The following MAPKAPK5 variants were observed in gnomAD, a reference collection of about 807,000 sequenced individuals.
MAPKAPK5 encodes MAPK activated protein kinase 5.
A neutral mutation model predicts 65.1 loss-of-function variants in MAPKAPK5; 30 were observed. The observed-to-expected ratio is 0.46, with a 90% CI of 0.34 to 0.63. MAPKAPK5 has a LOEUF of 0.63. Among genes scored for constraint, MAPKAPK5 ranks in the 20% least tolerant of loss-of-function variants. The pLI, the probability that MAPKAPK5 is intolerant of heterozygous loss-of-function variation, is 0.01. For synonymous variants in MAPKAPK5, 179 were observed against 204.6 expected, an observed-to-expected ratio of 0.87 and a Z score of 1.07; for missense variants, 433 against 581.4, an observed-to-expected ratio of 0.74 and a Z score of 2.63.
rs543037227 is a variant in MAPKAPK5 at position 111,867,780 on chromosome 12, C to T, written c.284+111C>T. The T allele has an allele frequency of 1.6e-4, 125 of 772,462 alleles. No individual in the cohort carries two copies. In the South Asian group the frequency reaches 2.0e-3, roughly 12 times the overall value. The allele number at this position is 772,462 out of a possible 1,614,324, so 47.9% of individuals were successfully genotyped here. ...CTTCCCTCTCCTTCTTCCTCCTACC[C>T]TCGCTTCCTCTGCCCTTCCTTCTCC... On this transcript the variant is annotated intron_variant, in intron 4 of 13. Transcript: ENST00000550735.
Position 111,890,084 on chromosome 12 carries a change from TG to T in MAPKAPK5, c.1263del (p.Trp421Ter). On this transcript the variant is annotated frameshift_variant, in exon 13 of 14. Coordinates refer to ENST00000550735, the MANE Select transcript of MAPKAPK5 (RefSeq NM_003668.4). LOFTEE classifies it high-confidence loss of function. Reference protein sequence around the residue: ...EKLNEVMQEAWKYNRECKLLR... With the variant: ...EKLNEVMQEAXKYNRECKLLR... Reference sequence around the variant, plus strand: ...ACTGAATGAAGTAATGCAGGAGGCTTGGAAGTATAACCGGGAATGCAAACTC... The same window carrying T: ...ACTGAATGAAGTAATGCAGGAGGCTTGAAGTATAACCGGGAATGCAAACTC... The T allele has an allele frequency of 6.2e-7, 1 of 1,600,342 alleles. No homozygotes were observed. The highest frequency in any genetic ancestry group is 2.2e-5 in the East Asian group (1 of 44,506).
intron 3 of MAPKAPK5, among the ~76,000 whole-genome samples, 175 bp from the exon 4 acceptor site, chr12:111,867,397 G>A (rs1382031398): frequency 6.6e-6 from 1 of 152,190 alleles, no homozygotes; most frequent in Non-Finnish European, 1.5e-5. Context: ...CTGTTGGTGA[G>A]TTTTTATTCA....
In MAPKAPK5 at chr12:111,897,832, AGTC is replaced by A. The variant is rs2070873164; in HGVS notation, c.*4774_*4776del. 6.6e-6 allele frequency: 1 copy of A among 152,032 alleles called. No individual in the cohort carries two copies. Among genetic ancestry groups the A allele is most frequent in the Non-Finnish European group, 1.5e-5 (1 of 68,020 alleles). 9.4% of individuals were successfully genotyped at this position (152,032 alleles called of 1,614,324 possible). A position where few individuals can be genotyped will look rare whatever the true frequency, so the allele number is the denominator to read the frequency against. Reference sequence around the variant, plus strand: ...ATGCTACCATTACATTCCTTTCTGTAGTCGTATCTCATATTTGAAAGGTCTCAT... The same window carrying A: ...ATGCTACCATTACATTCCTTTCTGTAGTATCTCATATTTGAAAGGTCTCAT... On this transcript the variant is annotated 3_prime_UTR_variant, in exon 14 of 14. Transcript: ENST00000550735.
At chr12:111,885,816 GT>G in intron 9 of MAPKAPK5, 99 bp from the exon 10 acceptor site, 1 of 1,492,904 alleles carries the variant, frequency 6.7e-7, no homozygotes, top group Admixed American at 2.0e-5. Flanking sequence ...GCTTGCAGAA[GT>G]CAGAAGTAAC....
chr12:111,861,397 C>T (rs962882560), intron 1 of MAPKAPK5, among the ~76,000 whole-genome samples: 2 of 151,726 alleles, frequency 1.3e-5, no homozygotes, highest in African/African-American at 4.8e-5. Context: ...GGCGTGATCT[C>T]GGCTCACTGC....
At chr12:111,875,594 G>A (rs2069937012) in intron 7 of MAPKAPK5, among the ~76,000 whole-genome samples, 1 of 152,060 alleles carries the variant, frequency 6.6e-6, no homozygotes, top group Non-Finnish European at 1.5e-5. Context: ...TTTCTCTGCT[G>A]TTGGGCAGGA....
In MAPKAPK5 at chr12:111,893,012, T is replaced by C; in HGVS notation, c.1367T>C (p.Ile456Thr). ...GTAGATCGACTAAAACTGGCAGAAA[T>C]TGTGAAGCAGGTGATAGAAGAGCAA... is the stretch of plus-strand genomic sequence containing the variant. The part of the protein sequence containing the change: ...DKVDRLKLAE[I>T]VKQVIEEQTT... The change falls in exon 14 of 14, where the codon ATT becomes ACT. Residue 456 changes from isoleucine (I) to threonine (T), a missense_variant. By Grantham distance (89) the Ile-to-Thr change is moderately conservative. This residue lies in a region of MAPKAPK5 where 169 missense variants were observed against 215.6 expected (regional missense o/e 0.78). Transcript: ENST00000550735. The C allele has an allele frequency of 5.0e-6, 8 of 1,585,450 alleles. No homozygotes were observed. Among genetic ancestry groups the C allele is most frequent in the Non-Finnish European group, 6.9e-6 (8 of 1,165,414 alleles).
In MAPKAPK5 at chr12:111,895,722, G is replaced by T. The variant is rs2070786002; in HGVS notation, c.*2661G>T. On this transcript the variant is annotated 3_prime_UTR_variant, in exon 14 of 14. Coordinates refer to ENST00000550735, the MANE Select transcript of MAPKAPK5 (RefSeq NM_003668.4). ...ATTTTTGTGTTTTTAGTAGAGACGG[G>T]GTTTCATCATATTGGCCAGGCTGGT... The T allele has an allele frequency of 6.6e-6, 1 of 151,390 alleles. No individual in the cohort carries two copies. The highest frequency in any genetic ancestry group is 2.4e-5 in the African/African-American group (1 of 41,144). The allele number at this position is 151,390 out of a possible 1,614,324, so 9.4% of individuals were successfully genotyped here.
chr12:111,859,623 T>TC (rs2069360371), intron 1 of MAPKAPK5, among the ~76,000 whole-genome samples: 2 of 149,766 alleles, frequency 1.3e-5, no homozygotes, highest in Non-Finnish European at 1.5e-5. Context: ...TCCCAGCACT[T>TC]CTTTTTTTCT....
chr12:111,888,533 A>G lies in MAPKAPK5; in HGVS notation c.1015A>G (p.Asn339Asp), dbSNP rs370196787. 3.7e-6 allele frequency: 6 copies of G among 1,613,936 alleles called. No individual in the cohort carries two copies. The highest frequency in any genetic ancestry group is 1.6e-4 in the Middle Eastern group (1 of 6,084). Reference protein sequence around the residue: ...IQQAHAEQLANMRIQDLKVSL... With the variant: ...IQQAHAEQLADMRIQDLKVSL... ...GCAGGCTCACGCGGAACAGTTGGCC[A>G]ACATGAGAATCCAGGATCTGAAAGT... is the stretch of plus-strand genomic sequence containing the variant. The change falls in exon 11 of 14, where the codon AAC (asparagine) becomes GAC (aspartate). Residue 339 changes from asparagine to aspartate, a missense_variant. Physicochemically the swap from Asn to Asp is conservative, Grantham distance 23. This residue lies in a region of MAPKAPK5 where 169 missense variants were observed against 215.6 expected (regional missense o/e 0.78). Coordinates refer to ENST00000550735, the MANE Select transcript of MAPKAPK5 (RefSeq NM_003668.4).
At chr12:111,856,084 A>G (rs1377657566) in intron 1 of MAPKAPK5, among the ~76,000 whole-genome samples, 2 of 151,584 alleles carry the variant, frequency 1.3e-5, no homozygotes, top group African/African-American at 4.8e-5. Context: ...CGAACTCCTG[A>G]CCTCAGGCGA....
In MAPKAPK5 at chr12:111,842,703, G is replaced by A. The variant is rs756412550; in HGVS notation, c.-31G>A. On this transcript the variant is annotated 5_prime_UTR_variant, in exon 1 of 14. Coordinates refer to ENST00000550735, the MANE Select transcript of MAPKAPK5 (RefSeq NM_003668.4). Reference sequence around the variant, plus strand: ...GGGACAGGGCTGCTGAGCAGCCTCCGCCTCTCCCGGCTGTGGGGGCCCCAC... The same window carrying A: ...GGGACAGGGCTGCTGAGCAGCCTCCACCTCTCCCGGCTGTGGGGGCCCCAC... 2.9e-6 allele frequency: 4 copies of A among 1,367,126 alleles called. No homozygotes were observed. Among genetic ancestry groups the A allele is most frequent in the Admixed American group, 6.2e-5 (2 of 32,014 alleles). 84.7% of individuals were successfully genotyped at this position (1,367,126 alleles called of 1,614,324 possible). A position where few individuals can be genotyped will look rare whatever the true frequency, so the allele number is the denominator to read the frequency against.
At chr12:111,863,843 G>A (rs1834364320) in intron 1 of MAPKAPK5, among the ~76,000 whole-genome samples, 1 of 152,016 alleles carries the variant, frequency 6.6e-6, no homozygotes, top group Non-Finnish European at 1.5e-5. Flanking sequence ...CACCTCAGGT[G>A]ATCCTCCCAC....
In MAPKAPK5 at chr12:111,882,638, A is replaced by ATATAG. The variant is rs1228531082; in HGVS notation, c.661-943_661-942insTATAG. On this transcript the variant is annotated intron_variant, in intron 8 of 13. Transcript: ENST00000550735. Reference sequence around the variant, plus strand: ...CTTTATGCAGTGATATAGGCCATGGAGTCACCTTACTACCTGCAGACATGG... The same window carrying ATATAG: ...CTTTATGCAGTGATATAGGCCATGGATATAGGTCACCTTACTACCTGCAGACATGG... Among the ~76,000 whole-genome samples the ATATAG allele has an allele frequency of 7.2e-5, 11 of 152,318 alleles. No individual in the cohort carries two copies. The East Asian group carries it at 1.3e-3, about 19-fold the overall frequency.
rs374715343 is a variant in MAPKAPK5 at position 111,858,795 on chromosome 12, C to A, written c.37-6455C>A. Among the ~76,000 whole-genome samples the A allele has an allele frequency of 6.8e-5, 10 of 147,054 alleles. 2 individuals are homozygous for A. Among genetic ancestry groups the A allele is most frequent in the African/African-American group, 2.5e-4 (10 of 39,674 alleles). On this transcript the variant is annotated intron_variant, in intron 1 of 13. Transcript: ENST00000550735. ...TGACCTCATGATCCGCCCGCCTTGG[C>A]CTCCTAAAGTGCTGGGATTACAGGC...
rs534907448 is a variant in MAPKAPK5, at chr12:111,853,140, C to T, written c.36+10371C>T. Among the ~76,000 whole-genome samples, 28 of 151,852 alleles carry T rather than the reference C, an allele frequency of 1.8e-4. 1 individual carries two copies. Among genetic ancestry groups the T allele is most frequent in the South Asian group, 1.7e-3 (8 of 4,794 alleles). ...CAGCACTTTGGGAGGCTGAGGTGGGCGGATCACGAGGTCAGGGGATCGAGT... is the reference window on the plus strand; with the variant it reads ...CAGCACTTTGGGAGGCTGAGGTGGGTGGATCACGAGGTCAGGGGATCGAGT... On this transcript the variant is annotated intron_variant, in intron 1 of 13. Coordinates refer to ENST00000550735, the MANE Select transcript of MAPKAPK5 (RefSeq NM_003668.4).
chr12:111,883,213 A>G lies in MAPKAPK5; in HGVS notation c.661-368A>G, dbSNP rs527521376. Among the ~76,000 whole-genome samples the G allele has an allele frequency of 6.6e-6, 1 of 152,142 alleles. No homozygotes were observed. The highest frequency in any genetic ancestry group is 2.4e-5 in the African/African-American group (1 of 41,518). ...TGGTGAAAGCCTATCTCTACTAAAA[A>G]AAAAATACAAAAATTAGCCAGGCGG... is the stretch of plus-strand genomic sequence containing the variant. On this transcript the variant is annotated intron_variant, in intron 8 of 13. Coordinates refer to ENST00000550735, the MANE Select transcript of MAPKAPK5 (RefSeq NM_003668.4). This position sits in a 1 kb window ranked among gnomAD's most constrained non-coding sequence, Gnocchi z 4.8.
intron 1 of MAPKAPK5, among the ~76,000 whole-genome samples, chr12:111,856,547 C>T (rs117320434): frequency 6.6e-6 from 1 of 151,882 alleles, no homozygotes; most frequent in Non-Finnish European, 1.5e-5. Context: ...GCTGGAATTA[C>T]AAGTGTGCAC....
In MAPKAPK5 at chr12:111,886,028, A is replaced by G; in HGVS notation, c.961A>G (p.Met321Val). The G allele has an allele frequency of 1.2e-6, 2 of 1,613,808 alleles. No individual in the cohort carries two copies. The highest frequency in any genetic ancestry group is 1.7e-6 in the Non-Finnish European group (2 of 1,179,846). Residue 321 changes from methionine (M) to valine (V), a missense_variant, in exon 10 of 14, where the codon ATG (methionine) becomes GTG (valine). Met to Val is a conservative substitution (Grantham distance 21). Coordinates refer to ENST00000550735, the MANE Select transcript of MAPKAPK5 (RefSeq NM_003668.4). Reference protein sequence around the residue: ...DNVLPSAQLMMDKAVVAGIQQ... With the variant: ...DNVLPSAQLMVDKAVVAGIQQ... ...TGTGCTGCCTTCTGCTCAGCTGATGATGGACAAGGTTTTGAATGATGTTTA... is the reference window on the plus strand; with the variant it reads ...TGTGCTGCCTTCTGCTCAGCTGATGGTGGACAAGGTTTTGAATGATGTTTA...
Sources: gnomAD v4.1 joint callset for allele counts (sites outside exome capture counted in the v4.1 genomes callset) on GRCh38, gnomAD v4.1.1 for gene constraint, gnomAD v4.1.1 regional missense constraint, Gnocchi (gnomAD v3.1) non-coding constraint, MANE v1.5 for transcripts, NCBI Gene and HGNC (gene_info 2026-07-23, HGNC 2026-07-21) for gene names.